GLMN: variants seen among roughly 807,000 people sequenced by gnomAD.
GLMN encodes the protein glomulin, FKBP associated protein.
GLMN carries 75 observed loss-of-function variants against 87.8 expected under a neutral mutation model. That is an observed-to-expected ratio of 0.85 (90% CI 0.71 to 1.04). GLMN has a LOEUF of 1.04. Ranked by LOEUF, GLMN falls within the 50% of genes least tolerant of loss-of-function variation. The probability of loss-of-function intolerance (pLI) is 0.00; values close to 1 mark genes in which losing one functional copy is unlikely to be tolerated. For synonymous variants in GLMN, 206 were observed against 221.6 expected (o/e 0.93, Z 0.63); for missense variants, 588 against 658.8 (o/e 0.89, Z 1.18).
At chr1:92,347,701 T>C in the GLMN span, among the ~76,000 whole-genome samples, 4 of 152,226 alleles carry the variant, frequency 2.6e-5, no homozygotes, top group African/African-American at 4.8e-5. Flanking sequence ...TAGTGTTTGA[T>C]TTTAATAGAG....
At chr1:92,277,263 C>G (rs1027039878) in intron 7 of GLMN, among the ~76,000 whole-genome samples, 3 of 152,224 alleles carry the variant, frequency 2.0e-5, no homozygotes, top group Non-Finnish European at 4.4e-5. Flanking sequence ...TTCCCTACTT[C>G]CAATTTTATC....
At chr1:92,366,355 T>C in the GLMN span, among the ~76,000 whole-genome samples, 1 of 152,190 alleles carries the variant, frequency 6.6e-6, no homozygotes, top group Non-Finnish European at 1.5e-5. Flanking sequence ...GGCATTTGTT[T>C]CCTTATCAAT....
the GLMN span, among the ~76,000 whole-genome samples, chr1:92,357,336 A>G: frequency 2.6e-5 from 4 of 152,200 alleles, no homozygotes; most frequent in African/African-American, 9.7e-5. Flanking sequence ...GGATTCATAG[A>G]AGTAAAAGAT....
At chr1:92,267,118 A>G (rs1655728610) in intron 11 of GLMN, among the ~76,000 whole-genome samples, 1 of 152,228 alleles carries the variant, frequency 6.6e-6, no homozygotes, top group South Asian at 2.1e-4. Context: ...CCACACTGAA[A>G]TCTAAGGATT....
At chr1:92,302,583 G>A (rs1340838913), upstream of GLMN, among the ~76,000 whole-genome samples, 13 of 128,490 alleles carry the variant, frequency 1.0e-4, no homozygotes, top group Non-Finnish European at 1.6e-5. Context: ...ATTAAATTCC[G>A]CATTAAATTT....
the GLMN span, among the ~76,000 whole-genome samples, chr1:92,346,168 TG>T: frequency 6.8e-6 from 1 of 147,306 alleles, no homozygotes; most frequent in Non-Finnish European, 1.5e-5. Flanking sequence ...ATCTCTTTTT[TG>T]TTTTTTTTTT....
chr1:92,275,638 T>C (rs1416188779), intron 7 of GLMN, among the ~76,000 whole-genome samples: 1 of 152,190 alleles, frequency 6.6e-6, no homozygotes, highest in Non-Finnish European at 1.5e-5. Flanking sequence ...TTCATTCTTT[T>C]ATCAACTCCA....
At chr1:92,284,140 CA>C (rs1648437659) in intron 7 of GLMN, among the ~76,000 whole-genome samples, 1 of 152,014 alleles carries the variant, frequency 6.6e-6, no homozygotes, top group East Asian at 1.9e-4. Context: ...GATATGGAAC[CA>C]AAAAAGAGCC....
upstream of GLMN, among the ~76,000 whole-genome samples, chr1:92,302,070 C>G (rs1650892639): frequency 6.6e-6 from 1 of 152,156 alleles, no homozygotes; most frequent in Non-Finnish European, 1.5e-5. Context: ...CACTTGAGGT[C>G]AGGAGTTCGA....
chr1:92,309,554 TACAC>T, the GLMN span, among the ~76,000 whole-genome samples: 1 of 68,614 alleles, frequency 1.5e-5, no homozygotes. Context: ...CACATACACA[TACAC>T]ATACACATAC....
At chr1:92,251,464 T>C (rs957575312) in intron 16 of GLMN, among the ~76,000 whole-genome samples, 1 of 152,164 alleles carries the variant, frequency 6.6e-6, no homozygotes, top group Non-Finnish European at 1.5e-5. Flanking sequence ...AATGGGGTCA[T>C]TGACCTAAGT....
chr1:92,369,284 T>C, the GLMN span, among the ~76,000 whole-genome samples: 1 of 152,142 alleles, frequency 6.6e-6, no homozygotes, highest in Non-Finnish European at 1.5e-5. Flanking sequence ...GGGTTTTGCT[T>C]GTTTGTTTTG....
chr1:92,337,237 GCAGT>G, the GLMN span, among the ~76,000 whole-genome samples: 10 of 152,192 alleles, frequency 6.6e-5, no homozygotes, highest in African/African-American at 2.4e-4. Context: ...GTCAACAATA[GCAGT>G]CAGATTTTAG....
At chr1:92,320,513 C>A in the GLMN span, 1 of 1,039,802 alleles carries the variant, frequency 9.6e-7, no homozygotes, top group Non-Finnish European at 1.5e-6. Context: ...CCTCGAGATC[C>A]GCCTGCCCAG....
chr1:92,368,761 C>T, the GLMN span, among the ~76,000 whole-genome samples: 2 of 152,156 alleles, frequency 1.3e-5, no homozygotes, highest in African/African-American at 4.8e-5. Context: ...GGGTACTTGT[C>T]CTAACCTGAT....
chr1:92,263,843 T>C, intron 14 of GLMN, 111 bp from the exon 15 acceptor site: 1 of 736,500 alleles, frequency 1.4e-6, no homozygotes, highest in South Asian at 1.5e-5. Context: ...AATACAGTTT[T>C]TAACTTTAAT....
chr1:92,369,996 T>C, the GLMN span, among the ~76,000 whole-genome samples: 2 of 152,192 alleles, frequency 1.3e-5, 1 homozygote. Context: ...GTGATTCTTG[T>C]GCCTCATCCT....
the GLMN span, chr1:92,304,329 T>C: frequency 6.6e-7 from 1 of 1,524,372 alleles, no homozygotes; most frequent in Non-Finnish European, 9.0e-7. Context: ...CAATAAAGTC[T>C]ATGATATTAC....
chr1:92,282,909 C>T (rs926756876), intron 7 of GLMN, among the ~76,000 whole-genome samples: 2 of 152,166 alleles, frequency 1.3e-5, no homozygotes, highest in Admixed American at 1.3e-4. Flanking sequence ...CACATACACC[C>T]TCCCAAGACT....
Sources: allele counts gnomAD v4.1 joint callset (sites outside exome capture counted in the v4.1 genomes callset), GRCh38; gene constraint gnomAD v4.1.1; transcripts MANE v1.5; gene names NCBI Gene and HGNC (gene_info 2026-07-23, HGNC 2026-07-21).